Variants in SPAG16 observed in about 807,000 individuals in gnomAD.
The protein encoded by SPAG16 is sperm associated antigen 16.
Under a neutral mutation model 80.4 loss-of-function variants are expected in SPAG16, and 86 were observed. The ratio of observed to expected loss-of-function variants is 1.07; its 90% CI spans 0.90 to 1.28. The LOEUF is 1.28. Ranked by LOEUF, SPAG16 falls within the 50% of genes most tolerant of loss-of-function variation. SPAG16 has a pLI of 0.00. For synonymous variants in SPAG16, 294 were observed against 265.9 expected, an observed-to-expected ratio of 1.11 and a Z score of -1.03; for missense variants, 870 against 765.3, an observed-to-expected ratio of 1.14 and a Z score of -1.61.
At chr2:213,303,821 A>T (rs1250658871) in intron 3 of SPAG16, among the ~76,000 whole-genome samples, 2 of 152,138 alleles carry the variant, frequency 1.3e-5, no homozygotes, top group Admixed American at 1.3e-4. Context: ...AGTTATTGTG[A>T]ATAGTGCTGA....
rs1217834825 is a variant in SPAG16 at position 213,378,351 on chromosome 2, A to G, written c.942+3232A>G. Among the ~76,000 whole-genome samples the G allele has an allele frequency of 2.6e-5, 4 of 152,314 alleles. No individual in the cohort carries two copies. In the East Asian group the frequency reaches 5.8e-4, roughly 22 times the overall value. On this transcript the variant is annotated intron_variant, in intron 9 of 15. Transcript: ENST00000331683. ...ACCATCACAAGTCCCCGCCTTGTCA[A>G]CTTGAACCCATACATATCTGCTGAG...
chr2:213,747,617 T>C (rs1323723415), intron 10 of SPAG16, among the ~76,000 whole-genome samples: 2 of 152,230 alleles, frequency 1.3e-5, no homozygotes, highest in Non-Finnish European at 2.9e-5. Flanking sequence ...ATCGCTACAA[T>C]ATTCGGTATG....
intron 15 of SPAG16, among the ~76,000 whole-genome samples, chr2:214,406,325 C>G (rs975660739): frequency 6.6e-6 from 1 of 151,970 alleles, no homozygotes; most frequent in African/African-American, 2.4e-5. Flanking sequence ...AAAATTGTAG[C>G]TAGAAAAAGT....
At chr2:213,907,418 T>C (rs12474684) in intron 11 of SPAG16, among the ~76,000 whole-genome samples, 88,574 of 151,360 alleles carry the variant, frequency 0.59, 27,716 homozygotes, top group South Asian at 0.84. Flanking sequence ...AATTTATACA[T>C]GATCAATGTG....
intron 10 of SPAG16, among the ~76,000 whole-genome samples, chr2:213,807,617 C>A (rs1237936596): frequency 1.3e-5 from 2 of 152,138 alleles, no homozygotes; most frequent in African/African-American, 4.8e-5. Flanking sequence ...AACCTATTTT[C>A]TTGTCAAGTG....
At chr2:213,739,617 C>T (rs930451727) in intron 10 of SPAG16, among the ~76,000 whole-genome samples, 4 of 151,870 alleles carry the variant, frequency 2.6e-5, no homozygotes, top group African/African-American at 7.3e-5. Flanking sequence ...TTTTTTTCCT[C>T]CTGAGACGGA....
intron 10 of SPAG16, among the ~76,000 whole-genome samples, chr2:213,626,641 A>ATTTTTTTTTTT (rs10582370): frequency 1.0e-5 from 1 of 98,980 alleles, no homozygotes; most frequent in Non-Finnish European, 1.9e-5. Context: ...ATCGGGCTCA[A>ATTTTTTTTTTT]TTTTTTTTTT....
At chr2:213,949,178 T>TTTTTTTTTTTTGTTTTTTTTTTTTTTG (rs2079607343) in intron 12 of SPAG16, among the ~76,000 whole-genome samples, 2 of 19,152 alleles carry the variant, frequency 1.0e-4, no homozygotes, top group Non-Finnish European at 3.2e-4. Context: ...AGTTTTTTTT[T>TTTTTTTTTTTTGTTTTTTTTTTTTTTG]TTTTTTTTTT....
intron 10 of SPAG16, among the ~76,000 whole-genome samples, chr2:213,839,011 A>G (rs2074238706): frequency 6.6e-6 from 1 of 152,244 alleles, no homozygotes; most frequent in African/African-American, 2.4e-5. Flanking sequence ...AAGACAATAT[A>G]GAAAGGTGTT....
intron 15 of SPAG16, among the ~76,000 whole-genome samples, chr2:214,216,441 C>T (rs2058435344): frequency 6.6e-6 from 1 of 152,184 alleles, no homozygotes; most frequent in Non-Finnish European, 1.5e-5. Context: ...CCTGCCTCAG[C>T]CTACCAAGTA....
intron 3 of SPAG16, among the ~76,000 whole-genome samples, chr2:213,309,355 T>C (rs1386452566): frequency 6.6e-6 from 1 of 152,148 alleles, no homozygotes; most frequent in African/African-American, 2.4e-5. Context: ...ATAGACTGAC[T>C]GACTTCCATG....
At chr2:214,355,939 C>T (rs1432584217) in intron 15 of SPAG16, among the ~76,000 whole-genome samples, 6 of 144,860 alleles carry the variant, frequency 4.1e-5, no homozygotes, top group East Asian at 2.1e-4. Flanking sequence ...AACCAAACAC[C>T]GCATGTTCTC....
intron 12 of SPAG16, among the ~76,000 whole-genome samples, chr2:213,967,081 C>T (rs941318062): frequency 2.6e-5 from 4 of 152,104 alleles, no homozygotes; most frequent in African/African-American, 9.7e-5. Flanking sequence ...CTATTTTTTT[C>T]CTGTAAATTC....
intron 9 of SPAG16, among the ~76,000 whole-genome samples, chr2:213,392,517 C>T (rs758626939): frequency 5.9e-5 from 9 of 151,950 alleles, no homozygotes; most frequent in Non-Finnish European, 8.8e-5. Context: ...AATCTATAAC[C>T]ATATGCAAAT....
intron 15 of SPAG16, among the ~76,000 whole-genome samples, chr2:214,265,377 A>G (rs1691487491): frequency 6.6e-6 from 1 of 152,012 alleles, no homozygotes; most frequent in African/African-American, 2.4e-5. Context: ...ATCTTTTCAT[A>G]TGCTTATTTG....
intron 15 of SPAG16, among the ~76,000 whole-genome samples, chr2:214,361,773 C>G (rs916715050): frequency 2.3e-4 from 35 of 151,938 alleles, no homozygotes; most frequent in African/African-American, 8.0e-4. Flanking sequence ...CCAAGTAGAC[C>G]CTTTCTTCTG....
At chr2:214,212,399 C>A (rs1207944215) in intron 15 of SPAG16, among the ~76,000 whole-genome samples, 4 of 152,074 alleles carry the variant, frequency 2.6e-5, no homozygotes, top group Admixed American at 2.0e-4. Flanking sequence ...CTCACCTCCC[C>A]GACCACCCAC....
chr2:214,180,773 T>A (rs1406932630), intron 15 of SPAG16, among the ~76,000 whole-genome samples: 1 of 151,692 alleles, frequency 6.6e-6, no homozygotes, highest in African/African-American at 2.4e-5. Flanking sequence ...GTTCCAGGAT[T>A]AGATTTTTCT....
At chr2:214,094,660 C>T (rs1031344858) in intron 13 of SPAG16, among the ~76,000 whole-genome samples, 1 of 152,058 alleles carries the variant, frequency 6.6e-6, no homozygotes, top group South Asian at 2.1e-4. Flanking sequence ...AGAACTTACA[C>T]AATTTGTATG....
Sources: allele counts gnomAD v4.1 joint callset (sites outside exome capture counted in the v4.1 genomes callset), GRCh38; gene constraint gnomAD v4.1.1; transcripts MANE v1.5; gene names NCBI Gene and HGNC (gene_info 2026-07-23, HGNC 2026-07-21).